The following AFF1 variants were observed in gnomAD, a reference collection of about 807,000 sequenced individuals.
The protein encoded by AFF1 is ALF transcription elongation factor 1, also known as AF4/FMR2 family member 1.
Under a neutral mutation model 121.7 loss-of-function variants are expected in AFF1, and 48 were observed. That is an observed-to-expected ratio of 0.39 (90% CI 0.31 to 0.50). The LOEUF is 0.50. Ranked by LOEUF, AFF1 falls within the 20% of genes least tolerant of loss-of-function variation. AFF1 has a pLI of 0.76. For missense variants in AFF1, 1,523 were observed against 1,511.7 expected (o/e 1.01, Z -0.12); for synonymous variants, 613 against 563.0 (o/e 1.09, Z -1.26).
rs559149545 is a variant in AFF1 at position 87,137,410 on chromosome 4, C to T, written c.*1709C>T. ...AAAGGGATGTGTCGAGGGATGGGAG[C>T]GATGCTTATCTCTCACAGTGTGAGT... On this transcript the variant is annotated 3_prime_UTR_variant, in exon 21 of 21. Transcript: ENST00000395146. The T allele has an allele frequency of 1.1e-4, 25 of 230,360 alleles. No homozygotes were observed. The East Asian group carries it at 1.2e-3, about 11-fold the overall frequency. The allele number at this position is 230,360 out of a possible 1,614,324, so 14.3% of individuals were successfully genotyped here.
chr4:87,014,838 T>A (rs1270086964), intron 2 of AFF1, among the ~76,000 whole-genome samples: 1 of 152,228 alleles, frequency 6.6e-6, no homozygotes, highest in Non-Finnish European at 1.5e-5. Flanking sequence ...ACTCTGGACT[T>A]GAATTTATGG....
chr4:86,947,702 C>T (rs971121496), intron 1 of AFF1, among the ~76,000 whole-genome samples: 1 of 152,090 alleles, frequency 6.6e-6, no homozygotes, highest in Non-Finnish European at 1.5e-5. Context: ...AGGTTGTTTC[C>T]AGAGTTACCC....
intron 5 of AFF1, among the ~76,000 whole-genome samples, chr4:87,086,488 TTA>T (rs1485153480): frequency 6.6e-6 from 1 of 152,198 alleles, no homozygotes; most frequent in African/African-American, 2.4e-5. Context: ...GAGAGAGTGG[TTA>T]ATGTATAAAT....
intron 6 of AFF1, among the ~76,000 whole-genome samples, chr4:87,091,376 C>A (rs1279011125): frequency 6.6e-6 from 1 of 152,160 alleles, no homozygotes. Context: ...GCACTCCAGC[C>A]TGGGGTAACA....
chr4:86,997,606 C>T lies in AFF1; in HGVS notation c.39-48560C>T, dbSNP rs1725316826. Among the ~76,000 whole-genome samples, 5 of 151,176 alleles carry T rather than the reference C, an allele frequency of 3.3e-5. No homozygotes were observed. The South Asian group carries it at 1.1e-3, about 32-fold the overall frequency. On this transcript the variant is annotated intron_variant, in intron 2 of 20. Coordinates refer to ENST00000395146, the MANE Select transcript of AFF1 (RefSeq NM_001166693.3). ...TGAAACCCCATCTCTACTAAAAATA[C>T]AAAAAATTAGCCGAGTGTGGTGACG... is the stretch of plus-strand genomic sequence containing the variant.
rs377036102 is a variant in AFF1, at chr4:86,978,259, C to CT, written c.38+29689dup. Among the ~76,000 whole-genome samples the CT allele has an allele frequency of 1.4e-3, 185 of 136,122 alleles. 2 individuals carry two copies. Among genetic ancestry groups the CT allele is most frequent in the Middle Eastern group, 9.4e-3 (2 of 212 alleles). The allele number at this position is 136,122 out of a possible 152,430, so 89.3% of individuals were successfully genotyped here. A position where few individuals can be genotyped will look rare whatever the true frequency, so the allele number is the denominator to read the frequency against. On this transcript the variant is annotated intron_variant, in intron 2 of 20. Coordinates refer to ENST00000395146, the MANE Select transcript of AFF1 (RefSeq NM_001166693.3). ...AGTGCAGTGGCACAACCTCGGCTCA[C>CT]TGCAACCTCCACCTCCTGGGTTCAA...
At position 87,114,472 on chromosome 4, in the gene AFF1, C is replaced by T. The variant is rs149255914; in HGVS notation, c.1639C>T (p.Arg547Trp). The T allele has an allele frequency of 4.3e-5, 70 of 1,613,686 alleles. No individual in the cohort carries two copies. The African/African-American group carries it at 6.5e-4, about 15-fold the overall frequency. ...EGPRSTEPPR[R>W]HPESKGSSDS... Reference sequence around the variant, plus strand: ...CCCCAGGAGCACAGAGCCCCCACGGCGGCACCCAGAGAGTAAGGGCAGCAG... The same window carrying T: ...CCCCAGGAGCACAGAGCCCCCACGGTGGCACCCAGAGAGTAAGGGCAGCAG... Residue 547 changes from arginine to tryptophan, a missense_variant, in exon 12 of 21, where the codon CGG becomes TGG. Physicochemically the swap from Arg to Trp is moderately radical, Grantham distance 101. This residue lies in a region of AFF1 where 905 missense variants were observed against 842.5 expected (regional missense o/e 1.07). Coordinates refer to ENST00000395146, the MANE Select transcript of AFF1 (RefSeq NM_001166693.3).
rs115930896 is a variant in AFF1 at position 87,086,688 on chromosome 4, G to A, written c.1104+2524G>A. Among the ~76,000 whole-genome samples the A allele has an allele frequency of 1.8e-3, 267 of 152,254 alleles. 3 individuals carry two copies. The highest frequency in any genetic ancestry group is 5.2e-3 in the African/African-American group (216 of 41,556). On this transcript the variant is annotated intron_variant, in intron 5 of 20. Coordinates refer to ENST00000395146, the MANE Select transcript of AFF1 (RefSeq NM_001166693.3). ...GGTAAAATGAAGGCCCTGGGCTAGC[G>A]GATGATCTCCAGGGTCCATTCCAGC...
intron 2 of AFF1, among the ~76,000 whole-genome samples, chr4:87,036,447 T>G (rs956712555): frequency 6.6e-6 from 1 of 152,218 alleles, no homozygotes; most frequent in Non-Finnish European, 1.5e-5. Flanking sequence ...ATATACGTGC[T>G]GGCCTTGCTC....
At chr4:87,090,450 T>C (rs1390515933) in intron 6 of AFF1, among the ~76,000 whole-genome samples, 1 of 152,224 alleles carries the variant, frequency 6.6e-6, no homozygotes, top group Non-Finnish European at 1.5e-5. Flanking sequence ...TTCTTGAGTT[T>C]AATGTGATCA....
intron 2 of AFF1, among the ~76,000 whole-genome samples, chr4:87,044,744 G>A (rs1380467495): frequency 6.6e-6 from 1 of 152,176 alleles, no homozygotes; most frequent in African/African-American, 2.4e-5. Flanking sequence ...TTATCTTTCA[G>A]TAAAGAGAGC....
intron 2 of AFF1, among the ~76,000 whole-genome samples, chr4:87,023,469 C>G (rs1728232783): frequency 6.6e-6 from 1 of 152,090 alleles, no homozygotes; most frequent in Non-Finnish European, 1.5e-5. Flanking sequence ...TTAAATTATT[C>G]ATTTATTTGA....
At chr4:86,976,608 C>A (rs989033817) in intron 2 of AFF1, among the ~76,000 whole-genome samples, 12 of 152,084 alleles carry the variant, frequency 7.9e-5, no homozygotes, top group African/African-American at 2.9e-4. Context: ...GACCCCAGGG[C>A]CCTACCAGAG....
chr4:87,080,877 T>G (rs1053560610), intron 4 of AFF1, among the ~76,000 whole-genome samples: 31 of 152,308 alleles, frequency 2.0e-4, no homozygotes, highest in African/African-American at 7.5e-4. Flanking sequence ...GATGTGAGTC[T>G]CAGGTAGATG....
chr4:86,994,152 TAA>T (rs1027790512), intron 2 of AFF1, among the ~76,000 whole-genome samples: 21 of 152,264 alleles, frequency 1.4e-4, no homozygotes, highest in African/African-American at 5.1e-4. Context: ...CAGAAGGCAC[TAA>T]AAAAGAGTCC....
At chr4:87,088,029 A>G (rs1472155285) in intron 5 of AFF1, among the ~76,000 whole-genome samples, 1 of 152,250 alleles carries the variant, frequency 6.6e-6, no homozygotes, top group Non-Finnish European at 1.5e-5. Context: ...CCTTCTGTGC[A>G]GTATTCATTC....
At chr4:87,020,355 G>A (rs1727772509) in intron 2 of AFF1, among the ~76,000 whole-genome samples, 1 of 152,146 alleles carries the variant, frequency 6.6e-6, no homozygotes, top group Non-Finnish European at 1.5e-5. Context: ...AGATAAATGT[G>A]GTTTTGTATC....
At chr4:86,986,642 G>T (rs1297157295) in intron 2 of AFF1, among the ~76,000 whole-genome samples, 1 of 151,670 alleles carries the variant, frequency 6.6e-6, no homozygotes, top group Non-Finnish European at 1.5e-5. Flanking sequence ...TCATAAAAAA[G>T]AATATAGATT....
chr4:86,979,051 G>A (rs1723524531), intron 2 of AFF1, among the ~76,000 whole-genome samples: 1 of 152,076 alleles, frequency 6.6e-6, no homozygotes, highest in South Asian at 2.1e-4. Context: ...AACTCCAGTG[G>A]TCTTCAAACC....
Sources: allele counts gnomAD v4.1 joint callset (sites outside exome capture counted in the v4.1 genomes callset), GRCh38; gene constraint gnomAD v4.1.1; regional missense constraint gnomAD v4.1.1; transcripts MANE v1.5; gene names NCBI Gene and HGNC (gene_info 2026-07-23, HGNC 2026-07-21).